DNAH11: variants seen among roughly 807,000 people sequenced by gnomAD.
DNAH11 encodes axonemal beta dynein heavy chain 11.
Under a neutral mutation model 526.0 loss-of-function variants are expected in DNAH11, and 442 were observed. The ratio of observed to expected loss-of-function variants is 0.84; its 90% confidence interval spans 0.78 to 0.91. DNAH11 has a LOEUF of 0.91. Ranked by LOEUF, DNAH11 falls within the 40% of genes least tolerant of loss-of-function variation. DNAH11 has a pLI of 0.00. For missense variants in DNAH11, 6,989 were observed against 5,448.7 expected (o/e 1.28, Z -8.90); for synonymous variants, 2,461 against 1,935.9 (o/e 1.27, Z -7.12).
Position 21,842,496 on chromosome 7 carries a change from T to C in DNAH11, c.10692-48T>C, listed in dbSNP as rs571131002. The C allele has an allele frequency of 2.7e-6, 4 of 1,497,590 alleles. No individual in the cohort carries two copies. In the South Asian group the frequency reaches 4.8e-5, roughly 18 times the overall value. The allele number at this position is 1,497,590 out of a possible 1,614,324, so 92.8% of individuals were successfully genotyped here. On this transcript the variant is annotated intron_variant, in intron 65 of 81. Coordinates refer to ENST00000409508, the MANE Select transcript of DNAH11 (RefSeq NM_001277115.2). The stretch of plus-strand genomic sequence containing the variant: ...GAATGGAATGACACCGTAGTATCAG[T>C]TATGGGTCATAGGAGTCTCCTGAAA...
At chr7:21,596,025 C>G (rs1178766181) in intron 14 of DNAH11, among the ~76,000 whole-genome samples, 1 of 152,148 alleles carries the variant, frequency 6.6e-6, no homozygotes, top group African/African-American at 2.4e-5. Flanking sequence ...TTGATATGCT[C>G]TAGTGGATAT....
chr7:21,607,211 TG>T (rs1483373823), intron 20 of DNAH11, among the ~76,000 whole-genome samples: 2 of 152,072 alleles, frequency 1.3e-5, no homozygotes, highest in African/African-American at 4.8e-5. Context: ...CCAGTGTTCG[TG>T]GACAAGAAGC....
intron 2 of DNAH11, 91 bp from the exon 3 acceptor site, chr7:21,558,711 G>A: frequency 1.1e-6 from 1 of 917,468 alleles, no homozygotes; most frequent in Non-Finnish European, 1.6e-6. Context: ...TATGAAATTG[G>A]ACAGTTTTGT....
chr7:21,556,641 C>A (rs1356388002), intron 2 of DNAH11, among the ~76,000 whole-genome samples: 1 of 152,108 alleles, frequency 6.6e-6, no homozygotes, highest in Non-Finnish European at 1.5e-5. Context: ...AGCATAGTAT[C>A]CGATAGGCAG....
chr7:21,564,824 TTC>T (rs1165231980), intron 6 of DNAH11, among the ~76,000 whole-genome samples: 1 of 152,090 alleles, frequency 6.6e-6, no homozygotes, highest in Admixed American at 6.5e-5. Context: ...ATTGAAAAAA[TTC>T]TGATTCATTG....
rs1284449260 is a variant in DNAH11 at position 21,818,260 on chromosome 7, A to T, written c.10612A>T (p.Ile3538Phe). Reference sequence around the variant, plus strand: ...AACTGCTTTGGCCTTTGGTGATGTCATCTTAATTGAAAATCTCGAGGAAAC... The same window carrying T: ...AACTGCTTTGGCCTTTGGTGATGTCTTCTTAATTGAAAATCTCGAGGAAAC... ...IETALAFGDV[I>F]LIENLEETID... The change falls in exon 65 of 82, where the codon ATC (isoleucine) becomes TTC (phenylalanine). Residue 3538 changes from isoleucine (I) to phenylalanine (F), a missense_variant. Physicochemically the swap from Ile to Phe is conservative, Grantham distance 21. Transcript: ENST00000409508. 1.2e-6 allele frequency: 2 copies of T among 1,612,250 alleles called. No individual in the cohort carries two copies. Among genetic ancestry groups the T allele is most frequent in the Non-Finnish European group, 1.7e-6 (2 of 1,179,078 alleles).
chr7:21,636,162 G>T, intron 26 of DNAH11, 67 bp downstream of exon 26: 5 of 1,347,016 alleles, frequency 3.7e-6, no homozygotes, highest in Non-Finnish European at 5.0e-6. Context: ...TTTGAGCATC[G>T]TATTTATAAA....
chr7:21,681,708 A>G, intron 31 of DNAH11, 31 bp downstream of exon 31: 1 of 1,613,148 alleles, frequency 6.2e-7, no homozygotes, highest in Non-Finnish European at 8.5e-7. Context: ...TTATGTATTC[A>G]TTATTGTTTC....
chr7:21,607,185 C>T (rs781567000), intron 20 of DNAH11, among the ~76,000 whole-genome samples: 144 of 151,914 alleles, frequency 9.5e-4, no homozygotes, highest in Non-Finnish European at 1.8e-3. Flanking sequence ...AGACCAAAAG[C>T]TGAAGAACAT....
Position 21,559,632 on chromosome 7 carries a change from A to G in DNAH11, c.722A>G (p.His241Arg), listed in dbSNP as rs1783371740. 1 of 1,611,084 alleles carries G rather than the reference A, an allele frequency of 6.2e-7. No homozygotes were observed. The highest frequency in any genetic ancestry group is 8.5e-7 in the Non-Finnish European group (1 of 1,178,620). ...KPPSNERIIL[H>R]AIESVVIEWS... ...CCGTCAAACGAAAGGATAATACTTC[A>G]TGCAATTGAATCTGTGGTTATTGAA... The change falls in exon 4 of 82, where the codon CAT (histidine) becomes CGT (arginine). Residue 241 changes from histidine (H) to arginine (R), a missense_variant. Coordinates refer to ENST00000409508, the MANE Select transcript of DNAH11 (RefSeq NM_001277115.2).
chr7:21,742,006 A>G lies in DNAH11; in HGVS notation c.7994A>G (p.His2665Arg). 2 of 1,613,918 alleles carry G rather than the reference A, an allele frequency of 1.2e-6. No individual in the cohort carries two copies. Among genetic ancestry groups the G allele is most frequent in the Non-Finnish European group, 1.7e-6 (2 of 1,179,852 alleles). The change falls in exon 49 of 82, where the codon CAT becomes CGT. Residue 2665 changes from histidine (H) to arginine (R), a missense_variant. Physicochemically the swap from His to Arg is conservative, Grantham distance 29. Coordinates refer to ENST00000409508, the MANE Select transcript of DNAH11 (RefSeq NM_001277115.2). Reference protein sequence around the residue: ...NTIYGQIFSFHFQQQAFAPSI... With the variant: ...NTIYGQIFSFRFQQQAFAPSI... ...ATCTATGGCCAAATCTTTAGCTTCC[A>G]TTTCCAACAGCAAGCATTTGCTCCA...
At chr7:21,875,976 C>G (rs1265586351) in intron 74 of DNAH11, among the ~76,000 whole-genome samples, 1 of 150,690 alleles carries the variant, frequency 6.6e-6, no homozygotes, top group Non-Finnish European at 1.5e-5. Flanking sequence ...CTCCGCCTCC[C>G]AGGTTCACGC....
At chr7:21,571,392 G>A (rs1055863942) in intron 7 of DNAH11, among the ~76,000 whole-genome samples, 1 of 151,986 alleles carries the variant, frequency 6.6e-6, no homozygotes, top group Non-Finnish European at 1.5e-5. Context: ...TGATCCTCCC[G>A]CCTCAGCTTC....
intron 63 of DNAH11, 136 bp from the exon 64 acceptor site, chr7:21,816,331 G>A: frequency 1.5e-6 from 1 of 675,860 alleles, no homozygotes; most frequent in Non-Finnish European, 2.6e-6. Context: ...AGTTGTGTTT[G>A]GCTTCTGAGA....
chr7:21,691,269 G>T (rs1783611892), intron 35 of DNAH11, among the ~76,000 whole-genome samples: 1 of 151,010 alleles, frequency 6.6e-6, no homozygotes, highest in South Asian at 2.1e-4. Flanking sequence ...GCTGGTGCTG[G>T]CTCATTTTTG....
intron 61 of DNAH11, among the ~76,000 whole-genome samples, chr7:21,792,150 T>G (rs898365174): frequency 6.6e-6 from 1 of 152,190 alleles, no homozygotes; most frequent in Admixed American, 6.5e-5. Flanking sequence ...TGTTGAGTGT[T>G]TTTTTAGCAT....
At chr7:21,733,258 G>A (rs2128488262) in intron 45 of DNAH11, among the ~76,000 whole-genome samples, 1 of 152,200 alleles carries the variant, frequency 6.6e-6, no homozygotes, top group East Asian at 1.9e-4. Context: ...TATGGTGGCA[G>A]GCGCCTGTAA....
chr7:21,696,396 T>A (rs762661149), intron 35 of DNAH11, among the ~76,000 whole-genome samples: 10 of 152,218 alleles, frequency 6.6e-5, no homozygotes, highest in Non-Finnish European at 1.0e-4. Flanking sequence ...TGTGCTAACA[T>A]CTTGTATTGA....
chr7:21,773,195 G>C (rs1222513347), intron 55 of DNAH11, among the ~76,000 whole-genome samples: 1 of 152,148 alleles, frequency 6.6e-6, no homozygotes, highest in African/African-American at 2.4e-5. Flanking sequence ...CATTGAAGGA[G>C]AGTTGCTCTT....
Sources: gnomAD v4.1 joint callset for allele counts (sites outside exome capture counted in the v4.1 genomes callset) on GRCh38, gnomAD v4.1.1 for gene constraint, MANE v1.5 for transcripts, NCBI Gene and HGNC (gene_info 2026-07-23, HGNC 2026-07-21) for gene names.